HACL2: variants seen among roughly 807,000 people sequenced by gnomAD.
HACL2 encodes the protein 2-hydroxyacyl-CoA lyase 2, also known as 2-hydroxyacyl-CoA lyase 1 like.
At chr19:15,122,845 C>CA in the HACL2 span, 1 of 1,613,448 alleles carries the variant, frequency 6.2e-7, no homozygotes. The surrounding 1 kb of genome is among the most constrained non-coding windows in gnomAD (Gnocchi z 4.0). Context: ...AACATGTCCC[C>CA]AGCCCCTCGG....
the HACL2 span, chr19:15,116,351 T>C: frequency 1.9e-6 from 3 of 1,613,972 alleles, no homozygotes; most frequent in South Asian, 3.3e-5. Flanking sequence ...GTCACCAGGG[T>C]TGGCAGCAGG....
chr19:15,116,444 A>T, the HACL2 span: 10 of 1,613,760 alleles, frequency 6.2e-6, no homozygotes, highest in African/African-American at 1.3e-5. Context: ...GGCTTCCCGC[A>T]GCTCCTCCAC....
chr19:15,118,009 A>G, the HACL2 span: 8 of 1,614,106 alleles, frequency 5.0e-6, no homozygotes, highest in Non-Finnish European at 6.8e-6. Context: ...GAAGTCACAC[A>G]CAGTTCCTGG....
chr19:15,125,349 C>G, the HACL2 span: 2 of 461,042 alleles, frequency 4.3e-6, no homozygotes, highest in African/African-American at 4.1e-5. Context: ...AAGGTGGCGA[C>G]GACAGCACCA....
At chr19:15,120,200 G>C in the HACL2 span, 1 of 623,268 alleles carries the variant, frequency 1.6e-6, no homozygotes, top group Non-Finnish European at 2.8e-6. Context: ...ATGGGGACAG[G>C]GTGGATGAGT....
At chr19:15,116,224 C>A in the HACL2 span, 2 of 1,613,804 alleles carry the variant, frequency 1.2e-6, no homozygotes, top group Non-Finnish European at 1.7e-6. Flanking sequence ...TCCCCGCCAT[C>A]CACCACCAGA....
chr19:15,115,709 C>T, the HACL2 span: 1 of 1,595,846 alleles, frequency 6.3e-7, no homozygotes, highest in Non-Finnish European at 8.6e-7. Flanking sequence ...CAGCCTTCAG[C>T]CCCATGGCTT....
At chr19:15,123,345 A>G in the HACL2 span, 2 of 1,608,292 alleles carry the variant, frequency 1.2e-6, no homozygotes, top group South Asian at 1.1e-5. This position sits in a 1 kb window ranked among gnomAD's most constrained non-coding sequence, Gnocchi z 5.1. Context: ...CAGTCCAACC[A>G]GTCCCCAGCC....
At chr19:15,118,096 A>C in the HACL2 span, 1 of 1,559,386 alleles carries the variant, frequency 6.4e-7, no homozygotes, top group Non-Finnish European at 8.8e-7. Context: ...GACTGGATGC[A>C]AATGAGTCCC....
At chr19:15,119,506 A>G in the HACL2 span, 1 of 1,613,820 alleles carries the variant, frequency 6.2e-7, no homozygotes, top group South Asian at 1.1e-5. Flanking sequence ...ATCTCCACAC[A>G]GCGCTGAACC....
the HACL2 span, chr19:15,123,795 G>A: frequency 3.4e-6 from 2 of 585,094 alleles, no homozygotes; most frequent in Non-Finnish European, 6.1e-6. The surrounding 1 kb of genome is among the most constrained non-coding windows in gnomAD (Gnocchi z 5.1). Context: ...TCTTACAGCT[G>A]AGGACATCAA....
At chr19:15,123,078 C>G in the HACL2 span, 1 of 1,610,866 alleles carries the variant, frequency 6.2e-7, no homozygotes, top group Non-Finnish European at 8.5e-7. The surrounding 1 kb of genome is among the most constrained non-coding windows in gnomAD (Gnocchi z 5.1). Flanking sequence ...GCCCTTCAAG[C>G]CCCCCTAGGC....
chr19:15,115,793 CT>C, the HACL2 span: 9 of 1,594,188 alleles, frequency 5.6e-6, no homozygotes, highest in Non-Finnish European at 6.9e-6. Context: ...CAGCCCACCC[CT>C]GGTGACATCT....
At chr19:15,116,287 T>A in the HACL2 span, 1 of 1,613,952 alleles carries the variant, frequency 6.2e-7, no homozygotes, top group South Asian at 1.1e-5. Flanking sequence ...TGCACTGGGT[T>A]CAGGTGCTGG....
chr19:15,115,733 A>T, the HACL2 span: 1 of 1,576,448 alleles, frequency 6.3e-7, no homozygotes, highest in African/African-American at 1.3e-5. Flanking sequence ...CAGCCAGAGG[A>T]CAGAGACAGG....
chr19:15,120,028 G>A, the HACL2 span: 8 of 1,550,798 alleles, frequency 5.2e-6, no homozygotes, highest in African/African-American at 1.1e-4. Flanking sequence ...CGGTCCCTCG[G>A]GCTGAGGCTC....
At chr19:15,119,675 A>G in the HACL2 span, among the ~76,000 whole-genome samples, 42 of 152,090 alleles carry the variant, frequency 2.8e-4, no homozygotes, top group Non-Finnish European at 4.1e-4. Flanking sequence ...CTCAGCCTCC[A>G]GAGTAGCTGG....
chr19:15,119,831 G>T, the HACL2 span: 1 of 615,450 alleles, frequency 1.6e-6, no homozygotes, highest in Non-Finnish European at 2.9e-6. Context: ...GATTGCTGCT[G>T]TGAGCCACCG....
chr19:15,117,938 G>C, the HACL2 span: 678 of 1,614,096 alleles, frequency 4.2e-4, 3 homozygotes, highest in Non-Finnish European at 2.1e-4. Flanking sequence ...ATCTCTTCCC[G>C]ATTACGATTG....
Sources: allele counts gnomAD v4.1 joint callset (sites outside exome capture counted in the v4.1 genomes callset), GRCh38; gene constraint gnomAD v4.1.1; non-coding constraint Gnocchi (gnomAD v3.1); transcripts MANE v1.5; gene names NCBI Gene and HGNC (gene_info 2026-07-23, HGNC 2026-07-21).